The following SULF1 variants were observed in gnomAD, a reference collection of about 807,000 sequenced individuals.
SULF1 encodes sulfatase 1.
SULF1 carries 46 observed loss-of-function variants against 110.5 expected under a neutral mutation model. That is an observed-to-expected ratio of 0.42 (90% confidence interval 0.33 to 0.53). The LOEUF is 0.53. Among genes scored for constraint, SULF1 ranks in the 20% least tolerant of loss-of-function variants. SULF1 has a pLI of 0.12. For missense variants in SULF1, 941 were observed against 1,094.2 expected (o/e 0.86, Z 1.98); for synonymous variants, 371 against 387.1 (o/e 0.96, Z 0.49).
chr8:69,499,595 C>T (rs1192544991), intron 2 of SULF1, among the ~76,000 whole-genome samples: 1 of 152,152 alleles, frequency 6.6e-6, no homozygotes, highest in Non-Finnish European at 1.5e-5. Flanking sequence ...TCCTATCACC[C>T]TTCTCTATTC....
At position 69,659,177 on chromosome 8, in the gene SULF1, A is replaced by T; in HGVS notation, c.*642A>T. On this transcript the variant is annotated 3_prime_UTR_variant, in exon 23 of 23. Coordinates refer to ENST00000402687, the MANE Select transcript of SULF1 (RefSeq NM_001128205.2). Reference sequence around the variant, plus strand: ...GTGCATTCCGATGGAATTTCAGTTCATCAGATGTTCACCATGGCCACCGCA... The same window carrying T: ...GTGCATTCCGATGGAATTTCAGTTCTTCAGATGTTCACCATGGCCACCGCA... 2.2e-6 allele frequency: 1 copy of T among 456,818 alleles called. No individual in the cohort carries two copies. Among genetic ancestry groups the T allele is most frequent in the Non-Finnish European group, 4.4e-6 (1 of 227,002 alleles). The allele number at this position is 456,818 out of a possible 1,614,324, so 28.3% of individuals were successfully genotyped here.
chr8:69,598,119 A>AT (rs1341158601), intron 8 of SULF1, among the ~76,000 whole-genome samples: 1 of 151,828 alleles, frequency 6.6e-6, no homozygotes, highest in Non-Finnish European at 1.5e-5. Context: ...CCAAAAAAAA[A>AT]AAAAGGGGGG....
chr8:69,652,248 A>G (rs938062899), intron 22 of SULF1, among the ~76,000 whole-genome samples: 5 of 152,144 alleles, frequency 3.3e-5, no homozygotes, highest in African/African-American at 1.2e-4. Context: ...CTCAGGATCC[A>G]TGACTTAGTC....
chr8:69,495,293 G>C (rs56827667), intron 1 of SULF1, among the ~76,000 whole-genome samples: 4,035 of 152,188 alleles, frequency 0.027, 141 homozygotes, highest in African/African-American at 0.085. Flanking sequence ...TGAAGCAGGA[G>C]GATCTCATGA....
rs753151642 is a variant in SULF1 at position 69,621,153 on chromosome 8, A to G, written c.1496A>G (p.Asp499Gly). The G allele has an allele frequency of 6.8e-6, 11 of 1,614,072 alleles. No homozygotes were observed. In the Admixed American group the frequency reaches 8.3e-5, roughly 12 times the overall value. The change falls in exon 14 of 23, where the codon GAC (aspartate) becomes GGC (glycine). Residue 499 changes from aspartate to glycine, a missense_variant. Asp to Gly is a moderately conservative substitution (Grantham distance 94). Around this residue, in one of 3 missense-constraint regions of SULF1, gnomAD observed 822 missense variants for 934.3 expected, o/e 0.88. Transcript: ENST00000402687. ...TRNLYARGFHDKDKECSCRES... is the reference protein window; with the variant it reads ...TRNLYARGFHGKDKECSCRES... Reference sequence around the variant, plus strand: ...AACCTCTACGCTCGCGGCTTCCATGACAAAGACAAAGAGTGCAGTTGTAGG... The same window carrying G: ...AACCTCTACGCTCGCGGCTTCCATGGCAAAGACAAAGAGTGCAGTTGTAGG...
chr8:69,604,049 A>G (rs1808034212), intron 12 of SULF1, among the ~76,000 whole-genome samples: 1 of 152,256 alleles, frequency 6.6e-6, no homozygotes, highest in African/African-American at 2.4e-5. Context: ...TTTGATCATT[A>G]CACATTGTAG....
chr8:69,507,713 A>G (rs1173606969), intron 3 of SULF1, among the ~76,000 whole-genome samples: 1 of 152,194 alleles, frequency 6.6e-6, no homozygotes, highest in Non-Finnish European at 1.5e-5. Context: ...TGGTATCTGC[A>G]GTTTAGAGAA....
chr8:69,616,206 G>A (rs1187705720), intron 13 of SULF1, among the ~76,000 whole-genome samples: 3 of 137,474 alleles, frequency 2.2e-5, no homozygotes, highest in Non-Finnish European at 3.1e-5. Flanking sequence ...ATATATATGT[G>A]TGTGTATATA....
intron 3 of SULF1, among the ~76,000 whole-genome samples, chr8:69,558,804 C>A (rs1815287126): frequency 6.6e-6 from 1 of 151,938 alleles, no homozygotes; most frequent in Non-Finnish European, 1.5e-5. Context: ...ACCCTTGCCC[C>A]AACAGTTTTT....
rs536073966 is a variant in SULF1 at position 69,649,972 on chromosome 8, C to CTTTTTTTTTTT, written c.2586-8506_2586-8496dup. On this transcript the variant is annotated intron_variant, in intron 22 of 22. Coordinates refer to ENST00000402687, the MANE Select transcript of SULF1 (RefSeq NM_001128205.2). ...CCCACTCTGTAATTCCTCCTGCTTG[C>CTTTTTTTTTTT]TTTTTTTTTTTTTTTTTTTTTTTTT... Among the ~76,000 whole-genome samples the CTTTTTTTTTTT allele has an allele frequency of 1.2e-3, 38 of 30,588 alleles. 19 individuals are homozygous for CTTTTTTTTTTT. Among genetic ancestry groups the CTTTTTTTTTTT allele is most frequent in the East Asian group, 2.1e-3 (2 of 970 alleles). 20.1% of individuals were successfully genotyped at this position (30,588 alleles called of 152,430 possible).
At chr8:69,628,829 A>C (rs1010370626) in intron 18 of SULF1, among the ~76,000 whole-genome samples, 16 of 152,144 alleles carry the variant, frequency 1.1e-4, no homozygotes, top group African/African-American at 3.9e-4. Context: ...GATTCAACTA[A>C]CCTTTAACTC....
chr8:69,516,471 G>T (rs75753764), intron 3 of SULF1, among the ~76,000 whole-genome samples: 1 of 151,972 alleles, frequency 6.6e-6, no homozygotes, highest in Non-Finnish European at 1.5e-5. Context: ...TCAAATTACC[G>T]CCTACCAGGC....
chr8:69,536,028 A>T (rs1813409160), intron 3 of SULF1, among the ~76,000 whole-genome samples: 1 of 152,070 alleles, frequency 6.6e-6, no homozygotes, highest in Non-Finnish European at 1.5e-5. Flanking sequence ...AAAAAAAAAA[A>T]GCCATAAAAT....
intron 13 of SULF1, among the ~76,000 whole-genome samples, chr8:69,613,024 T>C (rs1586550117): frequency 6.6e-6 from 1 of 152,182 alleles, no homozygotes; most frequent in East Asian, 1.9e-4. Flanking sequence ...CTTGAGTTGA[T>C]TTTTGTGTAA....
chr8:69,501,197 CT>C (rs2150571898), intron 2 of SULF1, among the ~76,000 whole-genome samples: 1 of 152,152 alleles, frequency 6.6e-6, no homozygotes, highest in East Asian at 1.9e-4. Flanking sequence ...AATAAGAGGT[CT>C]CATTTCCTTA....
At chr8:69,560,581 G>T (rs780392230) in intron 3 of SULF1, among the ~76,000 whole-genome samples, 3 of 152,140 alleles carry the variant, frequency 2.0e-5, no homozygotes, top group Non-Finnish European at 2.9e-5. Context: ...AAACCTTTCT[G>T]CATTTCTTTC....
chr8:69,638,680 G>A, intron 20 of SULF1, 36 bp downstream of exon 20: 1 of 1,612,374 alleles, frequency 6.2e-7, no homozygotes, highest in Non-Finnish European at 8.5e-7. Flanking sequence ...GAAGGTTGTT[G>A]AAAATAGGAT....
At chr8:69,585,488 C>A (rs1806389526) in intron 6 of SULF1, among the ~76,000 whole-genome samples, 1 of 152,056 alleles carries the variant, frequency 6.6e-6, no homozygotes, top group Non-Finnish European at 1.5e-5. Flanking sequence ...TCCCGTACCC[C>A]TCTCCTGTCA....
chr8:69,628,907 C>T (rs1016170933), intron 18 of SULF1, among the ~76,000 whole-genome samples: 8 of 151,980 alleles, frequency 5.3e-5, no homozygotes, highest in South Asian at 2.1e-4. Flanking sequence ...CTAGCAGGAT[C>T]CTGTCATTCA....
Sources: gnomAD v4.1 joint callset for allele counts (sites outside exome capture counted in the v4.1 genomes callset) on GRCh38, gnomAD v4.1.1 for gene constraint, gnomAD v4.1.1 regional missense constraint, MANE v1.5 for transcripts, NCBI Gene and HGNC (gene_info 2026-07-23, HGNC 2026-07-21) for gene names.